The following CD3E variants were observed in gnomAD, a reference collection of about 807,000 sequenced individuals.
CD3E encodes T-cell surface glycoprotein CD3 epsilon chain.
Under a neutral mutation model 34.7 loss-of-function variants are expected in CD3E, and 16 were observed. That is an observed-to-expected ratio of 0.46 (90% CI 0.31 to 0.70). The LOEUF (loss-of-function observed/expected upper bound fraction) is 0.70. Ranked by LOEUF, CD3E falls within the 30% of genes least tolerant of loss-of-function variation. The pLI is 0.05. For missense variants in CD3E, 223 were observed against 253.9 expected (o/e 0.88, Z 0.83); for synonymous variants, 70 against 90.8 (o/e 0.77, Z 1.30).
In CD3E at chr11:118,307,297, G is replaced by A; in HGVS notation, c.59G>A (p.Trp20Ter). The A allele has an allele frequency of 6.2e-7, 1 of 1,606,686 alleles. No homozygotes were observed. Among genetic ancestry groups the A allele is most frequent in the South Asian group, 1.1e-5 (1 of 90,668 alleles). ...LGLCLLSVGV[W>*]GQDGNEEMGG... ...CTTATTTATTTTCTAGTTGGCGTTT[G>A]GGGGCAAGATGGTGAGATATGCTTT... The change falls in exon 3 of 9, where the codon TGG becomes TAG. Residue 20 changes from tryptophan (W) to a stop codon, truncating the protein, a stop_gained. Coordinates refer to ENST00000361763, the MANE Select transcript of CD3E (RefSeq NM_000733.4). LOFTEE classifies it high-confidence loss of function.
intron 5 of CD3E, 76 bp from the exon 6 acceptor site, chr11:118,312,542 T>C (rs969490078): frequency 3.9e-6 from 6 of 1,536,890 alleles, no homozygotes; most frequent in Non-Finnish European, 5.4e-6. Flanking sequence ...TGCATTTGGG[T>C]GGTTCTTTTG....
At chr11:118,307,838 T>G (rs1465097809) in intron 3 of CD3E, among the ~76,000 whole-genome samples, 3 of 152,170 alleles carry the variant, frequency 2.0e-5, no homozygotes, top group Non-Finnish European at 2.9e-5. Context: ...CTCTATTCAA[T>G]CAGCTCTTCC....
chr11:118,308,491 A>T (rs201812463), intron 4 of CD3E, 50 bp downstream of exon 4: 25 of 1,169,200 alleles, frequency 2.1e-5, no homozygotes, highest in Non-Finnish European at 3.2e-5. Context: ...TATGGAATGA[A>T]ATGCTCATAG....
intron 2 of CD3E, among the ~76,000 whole-genome samples, chr11:118,306,473 G>C (rs900489646): frequency 2.7e-5 from 4 of 150,476 alleles, no homozygotes; most frequent in African/African-American, 9.9e-5. Flanking sequence ...CCAGCCTGGA[G>C]TGTCTCAAAA....
chr11:118,309,038 T>C (rs776227720), intron 4 of CD3E, among the ~76,000 whole-genome samples: 4 of 152,172 alleles, frequency 2.6e-5, no homozygotes, highest in Non-Finnish European at 5.9e-5. Context: ...AAGAAAAATA[T>C]TTTATGCAGA....
chr11:118,313,567 A>G, intron 6 of CD3E, 140 bp from the exon 7 acceptor site: 2 of 790,282 alleles, frequency 2.5e-6, no homozygotes, highest in Admixed American at 4.0e-5. Context: ...TGTTCTAAAC[A>G]TATTGAAGGG....
chr11:118,311,832 T>A (rs1948137021), intron 4 of CD3E, among the ~76,000 whole-genome samples: 2 of 152,242 alleles, frequency 1.3e-5, no homozygotes, highest in Non-Finnish European at 2.9e-5. Context: ...AGGATAAGCT[T>A]GAAGACCTCT....
intron 5 of CD3E, 104 bp from the exon 6 acceptor site, chr11:118,312,514 A>C: frequency 1.5e-6 from 2 of 1,317,496 alleles, no homozygotes; most frequent in Non-Finnish European, 2.2e-6. Flanking sequence ...TCTAAGATCT[A>C]GATGACAGAT....
chr11:118,313,624 C>A, intron 6 of CD3E, 83 bp from the exon 7 acceptor site: 1 of 1,315,884 alleles, frequency 7.6e-7, no homozygotes, highest in Non-Finnish European at 1.1e-6. Flanking sequence ...GGAGAATGGC[C>A]TTCATGCACT....
intron 4 of CD3E, 64 bp from the exon 5 acceptor site, chr11:118,312,089 T>C: frequency 1.4e-6 from 2 of 1,468,894 alleles, no homozygotes; most frequent in Non-Finnish European, 1.9e-6. Flanking sequence ...TAGAAAAGTT[T>C]TACCTACAAT....
intron 4 of CD3E, among the ~76,000 whole-genome samples, chr11:118,311,017 C>A (rs1207289453): frequency 6.6e-6 from 1 of 152,168 alleles, no homozygotes; most frequent in Non-Finnish European, 1.5e-5. Flanking sequence ...TTCTTGAGCA[C>A]CTGCTATGTG....
At chr11:118,307,760 G>C (rs192415045) in intron 3 of CD3E, among the ~76,000 whole-genome samples, 2 of 152,310 alleles carry the variant, frequency 1.3e-5, no homozygotes, top group East Asian at 3.9e-4. Flanking sequence ...GCATATGAGT[G>C]TGCCCGGCCT....
intron 2 of CD3E, 120 bp from the exon 3 acceptor site, chr11:118,307,168 C>A: frequency 2.7e-6 from 2 of 753,294 alleles, no homozygotes; most frequent in Non-Finnish European, 4.6e-6. Context: ...GACCCAGCAG[C>A]AAGAGGGAAG....
rs148647954 is a variant in CD3E at position 118,312,725 on chromosome 11, G to A, written c.211G>A (p.Asp71Asn). The change falls in exon 6 of 9, where the codon GAT becomes AAT. Residue 71 changes from aspartate (D) to asparagine (N), a missense_variant. Asp to Asn is a conservative substitution (Grantham distance 23, BLOSUM62 1). Coordinates refer to ENST00000361763, the MANE Select transcript of CD3E (RefSeq NM_000733.4). ...HNDKNIGGDE[D>N]DKNIGSDEDH... ...TGATAAAAACATAGGCGGTGATGAG[G>A]ATGATAAAAACATAGGCAGTGATGA... 3.1e-6 allele frequency: 5 copies of A among 1,613,926 alleles called. No individual in the cohort carries two copies. The Admixed American group carries it at 8.3e-5, about 27-fold the overall frequency.
At chr11:118,308,472 G>C (rs766052780) in intron 4 of CD3E, 31 bp downstream of exon 4, 3 of 1,457,588 alleles carry the variant, frequency 2.1e-6, no homozygotes, top group Non-Finnish European at 2.9e-6. Flanking sequence ...TCTAGCAAAA[G>C]TTTTCAAATA....
intron 4 of CD3E, among the ~76,000 whole-genome samples, chr11:118,311,570 T>C (rs1948135762): frequency 6.6e-6 from 1 of 152,220 alleles, no homozygotes; most frequent in Non-Finnish European, 1.5e-5. Context: ...GAGAAAATTA[T>C]ATGGAATAAG....
chr11:118,305,657 C>T (rs1489728818), intron 2 of CD3E, among the ~76,000 whole-genome samples: 1 of 152,128 alleles, frequency 6.6e-6, no homozygotes, highest in Admixed American at 6.5e-5. Flanking sequence ...GGTGTTATAT[C>T]CTCTTTTTAA....
Position 118,315,595 on chromosome 11 carries a change from T to A in CD3E, c.*53T>A. 7.1e-7 allele frequency: 1 copy of A among 1,408,642 alleles called. No individual in the cohort carries two copies. The highest frequency in any genetic ancestry group is 9.9e-7 in the Non-Finnish European group (1 of 1,010,252). The allele number at this position is 1,408,642 out of a possible 1,614,324, so 87.3% of individuals were successfully genotyped here. A position where few individuals can be genotyped will look rare whatever the true frequency, so the allele number is the denominator to read the frequency against. On this transcript the variant is annotated 3_prime_UTR_variant, in exon 9 of 9. Coordinates refer to ENST00000361763, the MANE Select transcript of CD3E (RefSeq NM_000733.4). ...GCCCAGGTCTCCTCTCCAGTCCCCC[T>A]GCGACTCCCTGTTTCCTGGGCTAGT...
intron 2 of CD3E, among the ~76,000 whole-genome samples, chr11:118,306,985 T>C (rs750193962): frequency 2.0e-5 from 3 of 152,214 alleles, no homozygotes; most frequent in Non-Finnish European, 4.4e-5. Flanking sequence ...TTTTGCTATG[T>C]CTCTAGTCGT....
Sources: gnomAD v4.1 joint callset for allele counts (sites outside exome capture counted in the v4.1 genomes callset) on GRCh38, gnomAD v4.1.1 for gene constraint, MANE v1.5 for transcripts, NCBI Gene and HGNC (gene_info 2026-07-23, HGNC 2026-07-21) for gene names.